The following DISP1 variants were observed in gnomAD, a reference collection of about 807,000 sequenced individuals.
DISP1 encodes dispatched RND transporter family member 1.
A neutral mutation model predicts 37.3 loss-of-function variants in DISP1; 30 were observed. The observed-to-expected ratio is 0.80, with a 90% CI of 0.60 to 1.09. DISP1 has a LOEUF of 1.09. Among genes scored for constraint, DISP1 ranks in the 50% least tolerant of loss-of-function variants. The pLI, the probability that DISP1 is intolerant of heterozygous loss-of-function variation, is 0.00. For synonymous variants in DISP1, 634 were observed against 690.2 expected, an observed-to-expected ratio of 0.92 and a Z score of 1.28; for missense variants, 1,598 against 1,879.5, an observed-to-expected ratio of 0.85 and a Z score of 2.77.
intron 1 of DISP1, among the ~76,000 whole-genome samples, chr1:222,825,585 C>G (rs889466065): frequency 6.7e-6 from 1 of 150,236 alleles, no homozygotes; most frequent in Non-Finnish European, 1.5e-5. Flanking sequence ...ACTGCAACCT[C>G]TGCCTCCTGG....
intron 8 of DISP1, among the ~76,000 whole-genome samples, chr1:222,995,601 A>G (rs567643656): frequency 6.6e-6 from 1 of 152,352 alleles, no homozygotes; most frequent in East Asian, 1.9e-4. Context: ...AGTCTTCTCT[A>G]CAGCCAAAAA....
At chr1:222,951,132 A>G (rs1477054182) in intron 3 of DISP1, among the ~76,000 whole-genome samples, 1 of 152,216 alleles carries the variant, frequency 6.6e-6, no homozygotes, top group African/African-American at 2.4e-5. Flanking sequence ...ATACAGAGTT[A>G]AGAATGCTTG....
intron 1 of DISP1, among the ~76,000 whole-genome samples, chr1:222,830,583 T>G (rs1665499265): frequency 6.6e-6 from 1 of 152,200 alleles, no homozygotes; most frequent in African/African-American, 2.4e-5. Flanking sequence ...GGTTTAGTTA[T>G]GTTGGTCAGG....
At chr1:222,825,142 TG>T (rs1463284215) in intron 1 of DISP1, among the ~76,000 whole-genome samples, 1 of 62,400 alleles carries the variant, frequency 1.6e-5, no homozygotes, top group Non-Finnish European at 3.2e-5. Flanking sequence ...TCCCCAGGGA[TG>T]GGGAATGTGG....
chr1:222,941,105 G>C (rs1265924676), intron 2 of DISP1, among the ~76,000 whole-genome samples: 3 of 152,160 alleles, frequency 2.0e-5, no homozygotes, highest in East Asian at 3.8e-4. Context: ...ATCTTGCTGA[G>C]ATGGCACATT....
chr1:222,917,305 CAG>C (rs916743123), intron 1 of DISP1, among the ~76,000 whole-genome samples: 11 of 152,148 alleles, frequency 7.2e-5, no homozygotes, highest in African/African-American at 1.4e-4. Flanking sequence ...GGCACCCAAA[CAG>C]GGGCGAACAG....
At chr1:222,951,493 T>C (rs1675220641) in intron 3 of DISP1, among the ~76,000 whole-genome samples, 1 of 58,860 alleles carries the variant, frequency 1.7e-5, no homozygotes, top group Non-Finnish European at 3.2e-5. Context: ...TTAGCCCTGG[T>C]GATTGTATTA....
At chr1:222,862,335 T>C (rs1461187152) in intron 1 of DISP1, among the ~76,000 whole-genome samples, 1 of 152,164 alleles carries the variant, frequency 6.6e-6, no homozygotes, top group Non-Finnish European at 1.5e-5. Context: ...CATTTGAGAA[T>C]CAGTTGTTGC....
chr1:223,005,677 G>T lies in DISP1; in HGVS notation c.4280G>T (p.Ser1427Ile). Residue 1427 changes from serine to isoleucine, a missense_variant, in exon 9 of 9, where the codon AGC becomes ATC. Physicochemically the swap from Ser to Ile is moderately radical, Grantham distance 142 (BLOSUM62 -2). Transcript: ENST00000675850. ...CKNRDVSNLE[S>I]SGGTENKAGG... ...AATAGAGACGTGAGCAATCTGGAGA[G>T]CAGTGGAGGGACTGAAAACAAGGCA... 1 of 1,614,010 alleles carries T rather than the reference G, an allele frequency of 6.2e-7. No individual in the cohort carries two copies. The highest frequency in any genetic ancestry group is 8.5e-7 in the Non-Finnish European group (1 of 1,180,022).
chr1:222,846,365 C>T (rs765430435), intron 1 of DISP1, among the ~76,000 whole-genome samples: 11 of 152,192 alleles, frequency 7.2e-5, no homozygotes, highest in Non-Finnish European at 1.6e-4. Context: ...GTGGCGCATG[C>T]CTGTAATCCC....
At chr1:222,988,567 T>C (rs1284667856) in intron 4 of DISP1, among the ~76,000 whole-genome samples, 1 of 139,466 alleles carries the variant, frequency 7.2e-6, no homozygotes, top group East Asian at 2.0e-4. Flanking sequence ...TTTATAAGAT[T>C]TCTCTTTCTC....
At chr1:222,850,893 G>A (rs775641642) in intron 1 of DISP1, among the ~76,000 whole-genome samples, 2 of 151,894 alleles carry the variant, frequency 1.3e-5, no homozygotes, top group Non-Finnish European at 2.9e-5. Flanking sequence ...TGTGAATAGT[G>A]CCAACTCCTG....
chr1:222,896,382 C>G (rs992857323), intron 1 of DISP1, among the ~76,000 whole-genome samples: 1 of 152,084 alleles, frequency 6.6e-6, no homozygotes, highest in African/African-American at 2.4e-5. Flanking sequence ...AGGTAGATCA[C>G]CTGAGGTCAG....
At chr1:222,999,808 C>G (rs980577304) in intron 8 of DISP1, among the ~76,000 whole-genome samples, 5 of 152,118 alleles carry the variant, frequency 3.3e-5, no homozygotes, top group Admixed American at 1.3e-4. Flanking sequence ...GTAGAGAAAA[C>G]CAGTCACGAT....
intron 1 of DISP1, among the ~76,000 whole-genome samples, chr1:222,915,340 G>A (rs1351372310): frequency 6.6e-6 from 1 of 152,224 alleles, no homozygotes; most frequent in African/African-American, 2.4e-5. Flanking sequence ...CCAGCAGGGT[G>A]TAGATGTGTA....
intron 8 of DISP1, among the ~76,000 whole-genome samples, chr1:222,995,683 G>T (rs1679011769): frequency 2.0e-5 from 3 of 152,178 alleles, no homozygotes; most frequent in Admixed American, 6.6e-5. Flanking sequence ...TTCAGAGATA[G>T]TTTCTCTAAA....
chr1:222,849,043 G>A (rs954036650), intron 1 of DISP1, among the ~76,000 whole-genome samples: 3 of 152,140 alleles, frequency 2.0e-5, no homozygotes, highest in Non-Finnish European at 2.9e-5. Context: ...TGTATTCCAT[G>A]TGTAGTCCTC....
chr1:222,890,201 T>G (rs895610269), intron 1 of DISP1, among the ~76,000 whole-genome samples: 2 of 152,174 alleles, frequency 1.3e-5, no homozygotes, highest in African/African-American at 4.8e-5. Flanking sequence ...CATTTATGGG[T>G]TCTTCTATTG....
At chr1:222,933,206 GA>G (rs2125461681) in intron 2 of DISP1, among the ~76,000 whole-genome samples, 1 of 151,994 alleles carries the variant, frequency 6.6e-6, no homozygotes, top group South Asian at 2.1e-4. Flanking sequence ...ACTCTAGGGG[GA>G]AACTTTATCT....
Sources: gnomAD v4.1 joint callset for allele counts (sites outside exome capture counted in the v4.1 genomes callset) on GRCh38, gnomAD v4.1.1 for gene constraint, MANE v1.5 for transcripts, NCBI Gene and HGNC (gene_info 2026-07-23, HGNC 2026-07-21) for gene names.